AQP7B: variants seen among roughly 807,000 people sequenced by gnomAD.
AQP7B encodes aquaporin 7B.
chr2:94,596,542 C>T, the AQP7B span, among the ~76,000 whole-genome samples: 3 of 152,182 alleles, frequency 2.0e-5, no homozygotes, highest in Admixed American at 2.0e-4. Flanking sequence ...ACTGAGTGAC[C>T]AGTTGGCCTT....
the AQP7B span, chr2:94,604,283 T>A: frequency 1.3e-6 from 2 of 1,596,374 alleles, no homozygotes; most frequent in East Asian, 2.2e-5. Context: ...GCCTCTTGCC[T>A]GCAGCGATGG....
chr2:94,603,432 T>C, the AQP7B span: 1 of 1,610,696 alleles, frequency 6.2e-7, no homozygotes, highest in East Asian at 2.2e-5. Flanking sequence ...CCGGTCCCTT[T>C]GCTACAGCTG....
At chr2:94,602,887 C>T in the AQP7B span, 8 of 979,136 alleles carry the variant, frequency 8.2e-6, no homozygotes, top group South Asian at 5.2e-5. Flanking sequence ...GAAGGTGGCC[C>T]CTGCCTCACG....
the AQP7B span, chr2:94,602,548 C>A: frequency 6.2e-7 from 1 of 1,604,130 alleles, no homozygotes. Flanking sequence ...ATGGGAGCTA[C>A]CTTGGTGTCA....
chr2:94,603,213 C>T, the AQP7B span: 15 of 1,451,112 alleles, frequency 1.0e-5, no homozygotes, highest in East Asian at 9.3e-5. Context: ...TGGCCTCAGC[C>T]GCCTCCTATG....
chr2:94,591,326 A>T, the AQP7B span, among the ~76,000 whole-genome samples: 2 of 152,124 alleles, frequency 1.3e-5, no homozygotes, highest in Admixed American at 6.5e-5. Flanking sequence ...CACGCTAGTC[A>T]TTCCGCTGCC....
At chr2:94,603,450 T>C in the AQP7B span, 1 of 1,612,078 alleles carries the variant, frequency 6.2e-7, no homozygotes, top group African/African-American at 1.3e-5. Flanking sequence ...CTGGCATTTT[T>C]GCCACCTACC....
At chr2:94,598,773 T>C in the AQP7B span, among the ~76,000 whole-genome samples, 1 of 152,218 alleles carries the variant, frequency 6.6e-6, no homozygotes, top group Non-Finnish European at 1.5e-5. Context: ...CAGGGAATCA[T>C]GTGGGGTTCA....
the AQP7B span, chr2:94,603,501 G>A: frequency 1.2e-6 from 2 of 1,607,900 alleles, no homozygotes; most frequent in African/African-American, 1.3e-5. Context: ...TCCTGAATGA[G>A]GTCAGTGGTC....
the AQP7B span, among the ~76,000 whole-genome samples, chr2:94,587,429 G>A: frequency 6.6e-6 from 1 of 152,220 alleles, no homozygotes; most frequent in East Asian, 1.9e-4. Flanking sequence ...GCTCCAGGCA[G>A]GGTGGGGATG....
chr2:94,589,339 A>T, the AQP7B span, among the ~76,000 whole-genome samples: 1 of 151,984 alleles, frequency 6.6e-6, no homozygotes, highest in Non-Finnish European at 1.5e-5. Context: ...TTCTTCAAAC[A>T]AGCTGAGAGT....
the AQP7B span, chr2:94,603,759 C>A: frequency 6.6e-7 from 1 of 1,526,512 alleles, no homozygotes; most frequent in Non-Finnish European, 8.9e-7. Flanking sequence ...CCATCACGGA[C>A]CAGGAGAACA....
At chr2:94,587,704 G>A in the AQP7B span, among the ~76,000 whole-genome samples, 2 of 152,164 alleles carry the variant, frequency 1.3e-5, no homozygotes, top group Admixed American at 6.5e-5. Context: ...TGGACTATCA[G>A]CAGACCATGG....
chr2:94,590,475 AC>A, the AQP7B span, among the ~76,000 whole-genome samples: 2 of 152,122 alleles, frequency 1.3e-5, no homozygotes, highest in Non-Finnish European at 2.9e-5. Context: ...GGCATGAGTC[AC>A]CATGCCTGGC....
At chr2:94,588,346 C>T in the AQP7B span, among the ~76,000 whole-genome samples, 1 of 151,802 alleles carries the variant, frequency 6.6e-6, no homozygotes, top group Non-Finnish European at 1.5e-5. Flanking sequence ...GGCTGAGCAC[C>T]ACTCCTCCCT....
chr2:94,594,806 G>A, the AQP7B span: 4 of 1,570,728 alleles, frequency 2.5e-6, no homozygotes, highest in Non-Finnish European at 3.5e-6. Flanking sequence ...GAAATATGGT[G>A]CGAGGAAGAT....
At chr2:94,589,322 C>A in the AQP7B span, among the ~76,000 whole-genome samples, 13 of 152,110 alleles carry the variant, frequency 8.5e-5, no homozygotes, top group African/African-American at 2.9e-4. Flanking sequence ...CACTGACTTT[C>A]TTTGCTTTCT....
At chr2:94,587,958 A>G in the AQP7B span, among the ~76,000 whole-genome samples, 3 of 152,050 alleles carry the variant, frequency 2.0e-5, no homozygotes, top group Non-Finnish European at 2.9e-5. Context: ...ACTTCGGGCT[A>G]CCTTCATGCT....
the AQP7B span, chr2:94,602,955 C>G: frequency 7.0e-7 from 1 of 1,429,552 alleles, no homozygotes; most frequent in Non-Finnish European, 9.5e-7. Flanking sequence ...GTCATACACA[C>G]TAGCCATCGT....
Sources: allele counts gnomAD v4.1 joint callset (sites outside exome capture counted in the v4.1 genomes callset), GRCh38; gene constraint gnomAD v4.1.1; transcripts MANE v1.5; gene names NCBI Gene and HGNC (gene_info 2026-07-23, HGNC 2026-07-21).